Variants in DOCK3 observed in about 807,000 individuals in gnomAD.
The protein encoded by DOCK3 is dedicator of cytokinesis protein 3.
DOCK3 carries 60 observed loss-of-function variants against 265.6 expected under a neutral mutation model. The observed-to-expected ratio is 0.23, with a 90% CI of 0.18 to 0.28. The LOEUF (loss-of-function observed/expected upper bound fraction) is 0.28. DOCK3 is among the 10% of genes least tolerant of loss of function. The probability of loss-of-function intolerance (pLI) is 1.00; values close to 1 mark genes in which losing one functional copy is unlikely to be tolerated. For synonymous variants in DOCK3, 881 were observed against 938.0 expected (o/e 0.94, Z 1.11); for missense variants, 1,981 against 2,594.3 (o/e 0.76, Z 5.14).
chr3:51,123,609 GT>G (rs1448508429), intron 9 of DOCK3, among the ~76,000 whole-genome samples: 1 of 152,174 alleles, frequency 6.6e-6, no homozygotes, highest in Non-Finnish European at 1.5e-5. Context: ...CACATGAGGG[GT>G]CACACAGAGC....
At chr3:51,146,848 C>G (rs2085324269) in intron 10 of DOCK3, among the ~76,000 whole-genome samples, 1 of 152,042 alleles carries the variant, frequency 6.6e-6, no homozygotes, top group Non-Finnish European at 1.5e-5. Context: ...GAAATATAAT[C>G]AAGTACCTTT....
chr3:51,070,610 G>T (rs2081820705), intron 6 of DOCK3, among the ~76,000 whole-genome samples: 1 of 152,174 alleles, frequency 6.6e-6, no homozygotes, highest in Non-Finnish European at 1.5e-5. Context: ...ATGTAAATAT[G>T]CTGTGTTTTC....
At chr3:50,740,059 T>C (rs2038915767) in intron 1 of DOCK3, among the ~76,000 whole-genome samples, 1 of 152,148 alleles carries the variant, frequency 6.6e-6, no homozygotes, top group Non-Finnish European at 1.5e-5. Context: ...TTACCTGCTC[T>C]CTGTCACTGT....
intron 13 of DOCK3, among the ~76,000 whole-genome samples, chr3:51,212,720 G>A (rs1363107745): frequency 6.6e-6 from 1 of 152,204 alleles, no homozygotes; most frequent in South Asian, 2.1e-4. Flanking sequence ...TAGTCCACCA[G>A]TGATTAGGCT....
intron 27 of DOCK3, among the ~76,000 whole-genome samples, chr3:51,289,938 T>C (rs1384881369): frequency 6.6e-6 from 1 of 152,148 alleles, no homozygotes; most frequent in Non-Finnish European, 1.5e-5. Context: ...GAAAAAATGC[T>C]CATCATCACT....
At chr3:50,755,494 A>G (rs1396557208) in intron 1 of DOCK3, among the ~76,000 whole-genome samples, 1 of 152,226 alleles carries the variant, frequency 6.6e-6, no homozygotes, top group Non-Finnish European at 1.5e-5. Flanking sequence ...ACTGAACAGT[A>G]TCAGTAATAT....
intron 1 of DOCK3, among the ~76,000 whole-genome samples, chr3:50,679,355 C>G (rs1400114677): frequency 6.6e-6 from 1 of 152,114 alleles, no homozygotes; most frequent in Non-Finnish European, 1.5e-5. Context: ...AAATTTTTCT[C>G]ATTACCAATC....
intron 14 of DOCK3, among the ~76,000 whole-genome samples, chr3:51,220,670 AAT>A (rs1384358811): frequency 1.2e-3 from 131 of 108,046 alleles, no homozygotes; most frequent in Non-Finnish European, 1.8e-3. Flanking sequence ...AAAAAAAAAA[AAT>A]ATATATATAT....
chr3:51,152,755 T>G (rs1400523723), intron 10 of DOCK3, among the ~76,000 whole-genome samples: 1 of 152,230 alleles, frequency 6.6e-6, no homozygotes, highest in Non-Finnish European at 1.5e-5. Context: ...GTCAAGTCCC[T>G]CTGCTGCAGG....
intron 10 of DOCK3, among the ~76,000 whole-genome samples, chr3:51,157,655 G>A (rs1416555003): frequency 6.6e-6 from 1 of 152,202 alleles, no homozygotes; most frequent in Non-Finnish European, 1.5e-5. Context: ...TGAGGAGCGA[G>A]TGCCTTCTTA....
intron 3 of DOCK3, among the ~76,000 whole-genome samples, chr3:50,858,174 G>A (rs892615870): frequency 6.6e-6 from 1 of 151,922 alleles, no homozygotes; most frequent in African/African-American, 2.4e-5. Context: ...AAACTGTCAC[G>A]AGGACAGAAA....
At chr3:51,143,333 G>A (rs772011013) in intron 9 of DOCK3, among the ~76,000 whole-genome samples, 12 of 150,396 alleles carry the variant, frequency 8.0e-5, no homozygotes, top group Admixed American at 4.0e-4. Flanking sequence ...GCAGTGGGGC[G>A]ATCTAGGCCC....
intron 1 of DOCK3, among the ~76,000 whole-genome samples, chr3:50,761,377 A>G (rs1305480871): frequency 6.6e-6 from 1 of 152,190 alleles, no homozygotes; most frequent in Non-Finnish European, 1.5e-5. Context: ...TGAAAAACAA[A>G]ATTTCTAAAT....
At chr3:50,784,146 G>A (rs1409397291) in intron 2 of DOCK3, among the ~76,000 whole-genome samples, 3 of 152,144 alleles carry the variant, frequency 2.0e-5, no homozygotes, top group Non-Finnish European at 2.9e-5. Context: ...GGGATTACAG[G>A]CATGAGCCAC....
chr3:50,681,102 T>C (rs2034373396), intron 1 of DOCK3, among the ~76,000 whole-genome samples: 1 of 152,180 alleles, frequency 6.6e-6, no homozygotes, highest in South Asian at 2.1e-4. Flanking sequence ...TTGGGTCTTA[T>C]GTTTAAGTTT....
intron 3 of DOCK3, among the ~76,000 whole-genome samples, chr3:50,882,718 A>G (rs1240097953): frequency 6.6e-6 from 1 of 152,228 alleles, no homozygotes; most frequent in East Asian, 1.9e-4. Flanking sequence ...GAGATTCCTC[A>G]GGGGTCTAGA....
intron 1 of DOCK3, among the ~76,000 whole-genome samples, chr3:50,721,799 A>G (rs2037487285): frequency 6.6e-6 from 1 of 152,150 alleles, no homozygotes; most frequent in African/African-American, 2.4e-5. Context: ...GGCCATTTTA[A>G]CAATATTGGT....
intron 5 of DOCK3, among the ~76,000 whole-genome samples, chr3:51,003,966 G>A (rs907034254): frequency 2.6e-5 from 4 of 152,088 alleles, no homozygotes; most frequent in African/African-American, 4.8e-5. Context: ...AAATATGTAC[G>A]TAGCTGAGAA....
At chr3:51,313,738 T>C (rs1388563623) in intron 31 of DOCK3, among the ~76,000 whole-genome samples, 3 of 152,188 alleles carry the variant, frequency 2.0e-5, no homozygotes, top group Non-Finnish European at 4.4e-5. Context: ...AAGTAGGATA[T>C]GAAGTATTTC....
Sources: gnomAD v4.1 joint callset for allele counts (sites outside exome capture counted in the v4.1 genomes callset) on GRCh38, gnomAD v4.1.1 for gene constraint, MANE v1.5 for transcripts, NCBI Gene and HGNC (gene_info 2026-07-23, HGNC 2026-07-21) for gene names.